LAMA2: variants seen among roughly 807,000 people sequenced by gnomAD.
LAMA2 encodes laminin subunit alpha-2.
LAMA2 carries 269 observed loss-of-function variants against 364.8 expected under a neutral mutation model. The observed-to-expected ratio is 0.74, with a 90% CI of 0.67 to 0.82. The LOEUF is 0.82. Among genes scored for constraint, LAMA2 ranks in the 40% least tolerant of loss-of-function variants. LAMA2 has a pLI of 0.00. For synonymous variants in LAMA2, 1,379 were observed against 1,370.6 expected, an observed-to-expected ratio of 1.01 and a Z score of -0.14; for missense variants, 3,807 against 3,873.2, an observed-to-expected ratio of 0.98 and a Z score of 0.45.
chr6:129,023,361 T>C (rs1388667584), intron 1 of LAMA2, among the ~76,000 whole-genome samples: 1 of 152,220 alleles, frequency 6.6e-6, no homozygotes, highest in Non-Finnish European at 1.5e-5. Context: ...TTATAGATTC[T>C]TCTGTGTAAT....
intron 41 of LAMA2, among the ~76,000 whole-genome samples, chr6:129,430,908 A>AT (rs1368513363): frequency 6.6e-6 from 1 of 152,010 alleles, no homozygotes; most frequent in Non-Finnish European, 1.5e-5. Context: ...TGCCAACTTC[A>AT]TTTTCTCATG....
In LAMA2 at chr6:129,313,090, C is replaced by T. The variant is rs970436360; in HGVS notation, c.3404C>T (p.Thr1135Ile). 1.9e-6 allele frequency: 3 copies of T among 1,594,902 alleles called. No individual in the cohort carries two copies. The highest frequency in any genetic ancestry group is 2.6e-6 in the Non-Finnish European group (3 of 1,164,228). Reference protein sequence around the residue: ...CSCSDQTGQCTCKVNVEGIHC... With the variant: ...CSCSDQTGQCICKVNVEGIHC... ...TGTAGTGATCAAACTGGGCAGTGCACTTGTAAGGTATGTGCTGCTGACATG... is the reference window on the plus strand; with the variant it reads ...TGTAGTGATCAAACTGGGCAGTGCATTTGTAAGGTATGTGCTGCTGACATG... The change falls in exon 23 of 65, where the codon ACT (threonine) becomes ATT (isoleucine). Residue 1135 changes from threonine to isoleucine, a missense_variant. This residue lies in a region of LAMA2 where 3,333 missense variants were observed against 3,345.7 expected (regional missense o/e 1.00). Coordinates refer to ENST00000421865, the MANE Select transcript of LAMA2 (RefSeq NM_000426.4).
chr6:129,087,167 T>C (rs557171822), intron 3 of LAMA2, among the ~76,000 whole-genome samples: 94 of 152,300 alleles, frequency 6.2e-4, no homozygotes, highest in African/African-American at 2.2e-3. Flanking sequence ...GAATTAAATA[T>C]AGACGTCTTT....
At chr6:128,969,308 C>T (rs1168025039) in intron 1 of LAMA2, among the ~76,000 whole-genome samples, 1 of 152,194 alleles carries the variant, frequency 6.6e-6, no homozygotes, top group Non-Finnish European at 1.5e-5. Flanking sequence ...TTACCACTAA[C>T]ATTCCAATTT....
chr6:129,370,759 A>T (rs573578965), intron 34 of LAMA2, among the ~76,000 whole-genome samples: 56 of 152,348 alleles, frequency 3.7e-4, no homozygotes, highest in African/African-American at 1.3e-3. Context: ...GCCTCGGGCC[A>T]TGACAGTGAA....
rs71028159 is a variant in LAMA2, at chr6:129,398,472, C to CTTTTTT, written c.5446-2737_5446-2732dup. Among the ~76,000 whole-genome samples the CTTTTTT allele has an allele frequency of 6.2e-3, 684 of 110,352 alleles. 1 individual carries two copies. The highest frequency in any genetic ancestry group is 9.1e-3 in the East Asian group (34 of 3,740). 72.4% of individuals were successfully genotyped at this position (110,352 alleles called of 152,430 possible). On this transcript the variant is annotated intron_variant, in intron 37 of 64. Transcript: ENST00000421865. Reference sequence around the variant, plus strand: ...TTTTCTTTTTTCTTTCTTTTCTTTTCTTTTTTTTTTTTTTTTTTTTGAGAC... The same window carrying CTTTTTT: ...TTTTCTTTTTTCTTTCTTTTCTTTTCTTTTTTTTTTTTTTTTTTTTTTTTTTGAGAC...
intron 3 of LAMA2, among the ~76,000 whole-genome samples, chr6:129,067,598 A>G (rs755327594): frequency 1.8e-4 from 28 of 152,182 alleles, no homozygotes; most frequent in Non-Finnish European, 1.5e-5. Context: ...AACACTTTCC[A>G]CTAAAAGTCT....
At chr6:128,960,888 A>G (rs972633170) in intron 1 of LAMA2, among the ~76,000 whole-genome samples, 1 of 151,934 alleles carries the variant, frequency 6.6e-6, no homozygotes, top group Non-Finnish European at 1.5e-5. Flanking sequence ...TTTTAATATT[A>G]TTTTTGCCTT....
chr6:129,419,807 G>T (rs1224812409), intron 40 of LAMA2, among the ~76,000 whole-genome samples: 1 of 152,098 alleles, frequency 6.6e-6, no homozygotes, highest in Non-Finnish European at 1.5e-5. Flanking sequence ...GCTATGCGAT[G>T]CCAGGGACCT....
intron 40 of LAMA2, among the ~76,000 whole-genome samples, chr6:129,425,053 A>G (rs1399951102): frequency 6.6e-6 from 1 of 152,080 alleles, no homozygotes; most frequent in Non-Finnish European, 1.5e-5. Flanking sequence ...CCATTTGTAT[A>G]AAATTCTATG....
rs914111452 is a variant in LAMA2 at position 129,387,219 on chromosome 6, A to G, written c.5071+3986A>G. Reference sequence around the variant, plus strand: ...TGCACAGAATGTTCAGGTTTGTTGCATAGGTATACCTGTGCCATGGTGGTT... The same window carrying G: ...TGCACAGAATGTTCAGGTTTGTTGCGTAGGTATACCTGTGCCATGGTGGTT... On this transcript the variant is annotated intron_variant, in intron 35 of 64. Transcript: ENST00000421865. Among the ~76,000 whole-genome samples, 4 of 152,112 alleles carry G rather than the reference A, an allele frequency of 2.6e-5. 1 individual carries two copies. Among genetic ancestry groups the G allele is most frequent in the East Asian group, 3.9e-4 (2 of 5,184 alleles).
At chr6:128,904,767 G>A (rs749403745) in intron 1 of LAMA2, among the ~76,000 whole-genome samples, 18 of 152,090 alleles carry the variant, frequency 1.2e-4, no homozygotes, top group Non-Finnish European at 2.5e-4. Flanking sequence ...TTCCTGCTGA[G>A]TTTCTTAGCA....
intron 30 of LAMA2, among the ~76,000 whole-genome samples, chr6:129,345,668 A>G (rs540689696): frequency 6.6e-5 from 10 of 152,186 alleles, no homozygotes; most frequent in Non-Finnish European, 1.3e-4. Context: ...CATAAGCCAG[A>G]AACACACAAA....
intron 1 of LAMA2, among the ~76,000 whole-genome samples, chr6:128,985,683 T>C (rs1783186181): frequency 6.6e-6 from 1 of 152,184 alleles, no homozygotes; most frequent in Admixed American, 6.5e-5. Flanking sequence ...AACTAATTTT[T>C]TTTTTCATCT....
At chr6:129,478,954 TA>T in intron 54 of LAMA2, 141 bp downstream of exon 54, 3 of 792,870 alleles carry the variant, frequency 3.8e-6, no homozygotes, top group South Asian at 1.5e-5. Flanking sequence ...AAAGCAAGAT[TA>T]AAGCATTCTC....
intron 18 of LAMA2, among the ~76,000 whole-genome samples, chr6:129,280,608 A>G (rs537482154): frequency 1.2e-4 from 19 of 152,316 alleles, no homozygotes; most frequent in Admixed American, 5.9e-4. Flanking sequence ...GTAATTTATT[A>G]TCATGATTTA....
chr6:129,398,472 C>CTTTTTTTTTTTTTTTTTTTTT (rs71028159), intron 37 of LAMA2, among the ~76,000 whole-genome samples: 26 of 110,536 alleles, frequency 2.4e-4, no homozygotes, highest in Non-Finnish European at 3.2e-4. Context: ...CTTTTCTTTT[C>CTTTTTTTTTTTTTTTTTTTTT]TTTTTTTTTT....
At chr6:128,973,983 G>A (rs945696311) in intron 1 of LAMA2, among the ~76,000 whole-genome samples, 6 of 152,164 alleles carry the variant, frequency 3.9e-5, no homozygotes, top group African/African-American at 1.4e-4. Context: ...TTTCAAATAA[G>A]TATTTTTCCC....
At position 129,304,979 on chromosome 6, in the gene LAMA2, A is replaced by T. The variant is rs118132304; in HGVS notation, c.3174+4107A>T. The stretch of plus-strand genomic sequence containing the variant: ...ATGAAAACTTCTATATAGGTCAATT[A>T]TCCTTAACGGTTTTTAGATCTACAT... On this transcript the variant is annotated intron_variant, in intron 22 of 64. Transcript: ENST00000421865. 5.2e-3 allele frequency among the ~76,000 whole-genome samples: 797 copies of T among 152,234 alleles called. 9 individuals carry two copies. The highest frequency in any genetic ancestry group is 6.4e-3 in the Non-Finnish European group (434 of 68,010).
Sources: allele counts gnomAD v4.1 joint callset (sites outside exome capture counted in the v4.1 genomes callset), GRCh38; gene constraint gnomAD v4.1.1; regional missense constraint gnomAD v4.1.1; transcripts MANE v1.5; gene names NCBI Gene and HGNC (gene_info 2026-07-23, HGNC 2026-07-21).